SP140L: variants seen among roughly 807,000 people sequenced by gnomAD.
The protein encoded by SP140L is nuclear body protein SP140-like protein.
A neutral mutation model predicts 84.3 loss-of-function variants in SP140L; 64 were observed. The ratio of observed to expected loss-of-function variants is 0.76; its 90% CI spans 0.62 to 0.94. The LOEUF is 0.94. Ranked by LOEUF, SP140L falls within the 40% of genes least tolerant of loss-of-function variation. SP140L has a pLI of 0.00. For synonymous variants in SP140L, 242 were observed against 236.9 expected (o/e 1.02, Z -0.20); for missense variants, 628 against 692.5 (o/e 0.91, Z 1.05).
At chr2:230,355,087 C>T (rs1441277002) in intron 2 of SP140L, among the ~76,000 whole-genome samples, 1 of 151,968 alleles carries the variant, frequency 6.6e-6, no homozygotes, top group Middle Eastern at 3.2e-3. Context: ...TCTTCAACAT[C>T]GTATTTAAAC....
intron 2 of SP140L, among the ~76,000 whole-genome samples, chr2:230,345,878 AT>A (rs1168589926): frequency 6.6e-6 from 1 of 152,096 alleles, no homozygotes; most frequent in Non-Finnish European, 1.5e-5. Context: ...TTGATTTTTA[AT>A]TTTTATGCTA....
At chr2:230,355,563 T>A (rs1191925849) in intron 2 of SP140L, among the ~76,000 whole-genome samples, 1 of 152,170 alleles carries the variant, frequency 6.6e-6, no homozygotes, top group African/African-American at 2.4e-5. Flanking sequence ...TGAAAAGATA[T>A]GTGGAAAATC....
intron 2 of SP140L, among the ~76,000 whole-genome samples, chr2:230,354,853 GAAAGAAAGAAAGAAA>G (rs2060476564): frequency 2.1e-4 from 11 of 53,030 alleles, no homozygotes; most frequent in African/African-American, 6.6e-4. Flanking sequence ...AGAAAGGAAA[GAAAGAAAGAAAGAAA>G]GAAAGAAAGA....
intron 2 of SP140L, among the ~76,000 whole-genome samples, chr2:230,338,021 G>A (rs370659342): frequency 2.0e-5 from 3 of 147,666 alleles, no homozygotes; most frequent in Non-Finnish European, 4.5e-5. Flanking sequence ...GTTTTTTCCA[G>A]TTCTGTGAAG....
intron 4 of SP140L, among the ~76,000 whole-genome samples, chr2:230,360,142 G>C (rs556848784): frequency 6.6e-6 from 1 of 152,308 alleles, no homozygotes; most frequent in East Asian, 1.9e-4. Flanking sequence ...AAGAGATAGA[G>C]ACATCACAAG....
Position 230,334,541 on chromosome 2 carries a change from C to T in SP140L, c.107+5710C>T, listed in dbSNP as rs190203627. On this transcript the variant is annotated intron_variant, in intron 2 of 18. Coordinates refer to ENST00000415673, the MANE Select transcript of SP140L (RefSeq NM_138402.6). ...CCTGGAATTCCTGAGATAACACCTA[C>T]GTGGTCATGTCACATGATTTTTTCA... is the stretch of plus-strand genomic sequence containing the variant. Among the ~76,000 whole-genome samples, 569 of 152,280 alleles carry T rather than the reference C, an allele frequency of 3.7e-3. 1 individual carries two copies. The highest frequency in any genetic ancestry group is 0.012 in the African/African-American group (516 of 41,552).
At chr2:230,328,684 A>G in intron 1 of SP140L, 73 bp from the exon 2 acceptor site, 2 of 1,564,994 alleles carry the variant, frequency 1.3e-6, no homozygotes, top group Non-Finnish European at 1.7e-6. Context: ...CCTAAACCTT[A>G]AAAAGTGGAA....
At chr2:230,359,687 G>A (rs563719725) in intron 4 of SP140L, among the ~76,000 whole-genome samples, 1 of 152,294 alleles carries the variant, frequency 6.6e-6, no homozygotes, top group South Asian at 2.1e-4. Context: ...TATAGTTCAT[G>A]TATAGTTTCA....
intron 8 of SP140L, 21 bp from the exon 9 acceptor site, chr2:230,385,203 T>A: frequency 6.2e-7 from 1 of 1,611,684 alleles, no homozygotes; most frequent in Non-Finnish European, 8.5e-7. Flanking sequence ...TATTAATACA[T>A]TTTCCCTTGC....
In SP140L at chr2:230,388,649, G is replaced by C. The variant is rs1299096095; in HGVS notation, c.859+16G>C. 3.8e-6 allele frequency: 6 copies of C among 1,589,224 alleles called. No homozygotes were observed. The highest frequency in any genetic ancestry group is 5.1e-6 in the Non-Finnish European group (6 of 1,167,214). ...CGATCAAGAGGTAAAAAAGAAAAGAGGAATGCACTTTCAATAACTAAACAT... is the reference window on the plus strand; with the variant it reads ...CGATCAAGAGGTAAAAAAGAAAAGACGAATGCACTTTCAATAACTAAACAT... On this transcript the variant is annotated intron_variant, in intron 10 of 18. Transcript: ENST00000415673.
At chr2:230,332,839 A>G (rs771736361) in intron 2 of SP140L, among the ~76,000 whole-genome samples, 2 of 152,136 alleles carry the variant, frequency 1.3e-5, no homozygotes, top group Non-Finnish European at 1.5e-5. Context: ...TGCTGATCCA[A>G]TTAGTTCTGG....
chr2:230,329,204 G>C (rs1388300931), intron 2 of SP140L, among the ~76,000 whole-genome samples: 1 of 152,172 alleles, frequency 6.6e-6, no homozygotes, highest in African/African-American at 2.4e-5. Context: ...AGTTTTTAAA[G>C]TCGTTCTTCT....
intron 4 of SP140L, among the ~76,000 whole-genome samples, chr2:230,359,593 C>A (rs1417929645): frequency 6.6e-6 from 1 of 152,168 alleles, no homozygotes; most frequent in African/African-American, 2.4e-5. Context: ...ATAGTCATAG[C>A]TTTCAGGGTG....
intron 5 of SP140L, among the ~76,000 whole-genome samples, chr2:230,367,439 C>T (rs1439192695): frequency 1.3e-5 from 2 of 151,600 alleles, no homozygotes; most frequent in East Asian, 1.9e-4. Flanking sequence ...ACCACAGGTG[C>T]GTGCCACCAC....
chr2:230,402,675 A>C, intron 18 of SP140L, 123 bp from the exon 19 acceptor site: 1 of 733,318 alleles, frequency 1.4e-6, no homozygotes, highest in Non-Finnish European at 2.3e-6. Context: ...ACATACCATT[A>C]TAAATTGTCA....
chr2:230,373,690 A>G (rs563006465), intron 7 of SP140L, among the ~76,000 whole-genome samples: 1 of 152,354 alleles, frequency 6.6e-6, no homozygotes, highest in South Asian at 2.1e-4. Flanking sequence ...ATGCCTGCTA[A>G]CACAACATCC....
chr2:230,383,158 G>A (rs11677646), intron 7 of SP140L, among the ~76,000 whole-genome samples: 39,554 of 152,110 alleles, frequency 0.26, 5,709 homozygotes, highest in Non-Finnish European at 0.32. Context: ...CCTCAAGGAG[G>A]ATGTCCTCTC....
At chr2:230,385,189 G>A (rs2061533503) in intron 8 of SP140L, 35 bp from the exon 9 acceptor site, 1 of 1,608,914 alleles carries the variant, frequency 6.2e-7, no homozygotes, top group Middle Eastern at 1.7e-4. Flanking sequence ...GTTCTGCCCA[G>A]TTCTATTAAT....
chr2:230,334,143 G>C lies in SP140L; in HGVS notation c.107+5312G>C, dbSNP rs150759152. ...GTGTAAGGAATGCCTCTCGTTGACT[G>C]TACCCCATTTTGATTTTCATCTTCC... is the stretch of plus-strand genomic sequence containing the variant. On this transcript the variant is annotated intron_variant, in intron 2 of 18. Transcript: ENST00000415673. Among the ~76,000 whole-genome samples the C allele has an allele frequency of 2.4e-4, 37 of 152,292 alleles. No individual in the cohort carries two copies. The East Asian group carries it at 2.9e-3, about 12-fold the overall frequency.
Sources: gnomAD v4.1 joint callset for allele counts (sites outside exome capture counted in the v4.1 genomes callset) on GRCh38, gnomAD v4.1.1 for gene constraint, MANE v1.5 for transcripts, NCBI Gene and HGNC (gene_info 2026-07-23, HGNC 2026-07-21) for gene names.